TENM4: variants seen among roughly 807,000 people sequenced by gnomAD.
The protein encoded by TENM4 is teneurin transmembrane protein 4, also known as teneurin-4.
A neutral mutation model predicts 243.3 loss-of-function variants in TENM4; 82 were observed. The observed-to-expected ratio is 0.34, with a 90% CI of 0.28 to 0.40. TENM4 has a LOEUF of 0.40. TENM4 is among the 10% of genes least tolerant of loss of function. The pLI, the probability that TENM4 is intolerant of heterozygous loss-of-function variation, is 1.00. For missense variants in TENM4, 3,138 were observed against 3,673.3 expected, an observed-to-expected ratio of 0.85 and a Z score of 3.77; for synonymous variants, 1,412 against 1,456.3, an observed-to-expected ratio of 0.97 and a Z score of 0.69.
At chr11:79,433,355 T>C (rs1229586074) in intron 1 of TENM4, among the ~76,000 whole-genome samples, 1 of 152,068 alleles carries the variant, frequency 6.6e-6, no homozygotes, top group Non-Finnish European at 1.5e-5. Context: ...GAGTTTGAGA[T>C]TGCACTAACT....
At chr11:78,739,878 C>T (rs566528988) in intron 19 of TENM4, among the ~76,000 whole-genome samples, 79 of 152,166 alleles carry the variant, frequency 5.2e-4, no homozygotes, top group Non-Finnish European at 9.6e-4. Flanking sequence ...ATTATGTGCC[C>T]GAAGCTCCAT....
intron 3 of TENM4, among the ~76,000 whole-genome samples, chr11:79,203,285 G>T (rs1863784008): frequency 6.6e-6 from 1 of 152,122 alleles, no homozygotes; most frequent in Non-Finnish European, 1.5e-5. Context: ...TTGCTCAAGA[G>T]AAATGAAAAC....
intron 3 of TENM4, among the ~76,000 whole-genome samples, chr11:79,173,652 T>C (rs1210243516): frequency 6.6e-6 from 1 of 152,236 alleles, no homozygotes; most frequent in Non-Finnish European, 1.5e-5. Context: ...TGCTACTTAT[T>C]GGGCTGCCTC....
intron 2 of TENM4, among the ~76,000 whole-genome samples, chr11:79,235,091 A>G (rs940686726): frequency 7.9e-5 from 12 of 152,216 alleles, no homozygotes; most frequent in Non-Finnish European, 1.8e-4. Context: ...AGGCGGGTGG[A>G]TCATGAGGTC....
chr11:78,687,179 C>T (rs1369989792), intron 29 of TENM4, among the ~76,000 whole-genome samples: 2 of 152,116 alleles, frequency 1.3e-5, no homozygotes, highest in African/African-American at 4.8e-5. Context: ...GCACAGGGCC[C>T]CAAATCGCCC....
chr11:78,948,799 C>T (rs1242424135), intron 6 of TENM4, among the ~76,000 whole-genome samples: 2 of 152,214 alleles, frequency 1.3e-5, no homozygotes, highest in Admixed American at 1.3e-4. Context: ...ACTCATCAGT[C>T]CTTTTGTTCA....
intron 12 of TENM4, among the ~76,000 whole-genome samples, chr11:78,839,317 T>G (rs1365471388): frequency 6.6e-6 from 1 of 152,188 alleles, no homozygotes; most frequent in East Asian, 1.9e-4. Flanking sequence ...CATGTCCTGT[T>G]TTATAGCTCT....
intron 18 of TENM4, among the ~76,000 whole-genome samples, chr11:78,764,175 G>A (rs998303143): frequency 1.3e-5 from 2 of 152,230 alleles, no homozygotes; most frequent in Non-Finnish European, 2.9e-5. Context: ...ACTTTCACAG[G>A]AAGTAAAAGG....
chr11:78,863,149 G>C lies in TENM4; in HGVS notation c.1085-17C>G. The C allele has an allele frequency of 6.8e-7, 1 of 1,476,414 alleles. No homozygotes were observed. Among genetic ancestry groups the C allele is most frequent in the Non-Finnish European group, 9.1e-7 (1 of 1,096,164 alleles). 91.5% of individuals were successfully genotyped at this position (1,476,414 alleles called of 1,614,324 possible). The stretch of plus-strand genomic sequence containing the variant: ...GGTGCATGGCTGTGGTGAGCAATGA[G>C]AAAAGTCATCTTTTTCTGCTGGAGG... On this transcript the variant is annotated splice_polypyrimidine_tract_variant and intron_variant, in intron 9 of 33. Transcript: ENST00000278550.
intron 2 of TENM4, among the ~76,000 whole-genome samples, chr11:79,225,331 T>C (rs536239683): frequency 2.0e-5 from 3 of 152,172 alleles, no homozygotes; most frequent in African/African-American, 7.2e-5. Flanking sequence ...AGAATTAGAG[T>C]TCCAATTACA....
At chr11:79,104,423 C>T (rs1362488324) in intron 4 of TENM4, among the ~76,000 whole-genome samples, 2 of 152,200 alleles carry the variant, frequency 1.3e-5, no homozygotes, top group Non-Finnish European at 2.9e-5. Flanking sequence ...TATGCTCATA[C>T]GATCACGTTT....
intron 1 of TENM4, among the ~76,000 whole-genome samples, chr11:79,431,267 T>C (rs1470219967): frequency 6.6e-6 from 1 of 152,204 alleles, no homozygotes; most frequent in Non-Finnish European, 1.5e-5. Flanking sequence ...ATCATGGCAT[T>C]TTCCCTTGTC....
chr11:79,169,220 A>C (rs903660383), intron 3 of TENM4, among the ~76,000 whole-genome samples: 5 of 152,198 alleles, frequency 3.3e-5, no homozygotes, highest in African/African-American at 1.2e-4. Flanking sequence ...GTAATAATAC[A>C]CAGTTGTTTT....
intron 2 of TENM4, among the ~76,000 whole-genome samples, chr11:79,248,404 T>C (rs933220502): frequency 6.6e-6 from 1 of 152,178 alleles, no homozygotes; most frequent in Non-Finnish European, 1.5e-5. Flanking sequence ...GAGTTCCCAT[T>C]AGTGCCAGAA....
At chr11:79,362,620 T>G (rs193092450) in intron 1 of TENM4, among the ~76,000 whole-genome samples, 12 of 152,288 alleles carry the variant, frequency 7.9e-5, no homozygotes, top group African/African-American at 2.6e-4. Context: ...CATCAGTATT[T>G]ATAGAGCCTG....
intron 6 of TENM4, among the ~76,000 whole-genome samples, chr11:78,906,814 C>T (rs958348259): frequency 2.6e-5 from 4 of 152,130 alleles, no homozygotes; most frequent in African/African-American, 7.2e-5. Context: ...TGTGAAAGTC[C>T]CTATCTTCTC....
intron 6 of TENM4, among the ~76,000 whole-genome samples, chr11:78,971,465 G>A (rs1398658665): frequency 6.6e-6 from 1 of 151,974 alleles, no homozygotes; most frequent in East Asian, 1.9e-4. Context: ...ACCATGCCTA[G>A]CTAATTTTTG....
rs1397881365 is a variant in TENM4, at chr11:79,163,886, A to G, written c.-162-15080T>C. On this transcript the variant is annotated intron_variant, in intron 3 of 33. Transcript: ENST00000278550. Reference sequence around the variant, plus strand: ...CATATATACACATATATGTACATATATTATATATGGATATATATCGTATAT... The same window carrying G: ...CATATATACACATATATGTACATATGTTATATATGGATATATATCGTATAT... 2.1e-5 allele frequency among the ~76,000 whole-genome samples: 3 copies of G among 144,462 alleles called. No individual in the cohort carries two copies. The East Asian group carries it at 5.9e-4, about 29-fold the overall frequency. 94.8% of individuals were successfully genotyped at this position (144,462 alleles called of 152,430 possible). A position where few individuals can be genotyped will look rare whatever the true frequency, so the allele number is the denominator to read the frequency against.
intron 1 of TENM4, among the ~76,000 whole-genome samples, chr11:79,394,371 G>A (rs1165126076): frequency 1.3e-5 from 2 of 152,170 alleles, no homozygotes; most frequent in Non-Finnish European, 1.5e-5. Flanking sequence ...CAATATATGA[G>A]TTGGAAGTCC....
Sources: allele counts gnomAD v4.1 joint callset (sites outside exome capture counted in the v4.1 genomes callset), GRCh38; gene constraint gnomAD v4.1.1; transcripts MANE v1.5; gene names NCBI Gene and HGNC (gene_info 2026-07-23, HGNC 2026-07-21).